The following GREB1L variants were observed in gnomAD, a reference collection of about 807,000 sequenced individuals.
The protein encoded by GREB1L is GREB1-like protein.
Under a neutral mutation model 200.8 loss-of-function variants are expected in GREB1L, and 17 were observed. The observed-to-expected ratio is 0.08, with a 90% CI of 0.06 to 0.13. GREB1L has a LOEUF of 0.13. GREB1L is among the 10% of genes least tolerant of loss of function. GREB1L has a pLI of 1.00. For missense variants in GREB1L, 1,657 were observed against 2,367.7 expected (o/e 0.70, Z 6.23); for synonymous variants, 789 against 893.0 (o/e 0.88, Z 2.08).
chr18:21,289,809 G>T (rs187152188), intron 1 of GREB1L, among the ~76,000 whole-genome samples: 141 of 152,206 alleles, frequency 9.3e-4, no homozygotes, highest in African/African-American at 3.3e-3. Context: ...GGTGATTTTT[G>T]ATGGTGATAT....
chr18:21,356,088 G>A (rs8099432), intron 1 of GREB1L, among the ~76,000 whole-genome samples: 39 of 145,272 alleles, frequency 2.7e-4, no homozygotes, highest in Non-Finnish European at 4.8e-4. Flanking sequence ...CCGGGTTCAC[G>A]CCATTCTCCT....
rs1203908509 is a variant in GREB1L at position 21,450,836 on chromosome 18, G to A, written c.1721-187G>A. On this transcript the variant is annotated intron_variant, in intron 12 of 32. Transcript: ENST00000424526. ...CTGTATTATAAACATTTCTGTTTCT[G>A]TCTAGAGTCAGAATTGATATTTCAA... The A allele has an allele frequency of 5.6e-6, 3 of 535,192 alleles. No homozygotes were observed. The African/African-American group carries it at 5.7e-5, about 10-fold the overall frequency. The allele number at this position is 535,192 out of a possible 1,614,324, so 33.2% of individuals were successfully genotyped here.
At chr18:21,269,103 G>A (rs553638660) in intron 1 of GREB1L, among the ~76,000 whole-genome samples, 33 of 152,256 alleles carry the variant, frequency 2.2e-4, no homozygotes, top group Non-Finnish European at 4.3e-4. Context: ...TTATTAATAC[G>A]TGTACTGTAA....
intron 1 of GREB1L, among the ~76,000 whole-genome samples, chr18:21,312,641 C>T (rs2038810054): frequency 6.6e-6 from 1 of 151,968 alleles, no homozygotes; most frequent in Non-Finnish European, 1.5e-5. Flanking sequence ...GCAACCTCCG[C>T]CTCCCGGGTT....
At chr18:21,407,687 A>G (rs187617249) in intron 7 of GREB1L, among the ~76,000 whole-genome samples, 2 of 152,220 alleles carry the variant, frequency 1.3e-5, no homozygotes, top group Non-Finnish European at 2.9e-5. Flanking sequence ...GGAAAAATTG[A>G]TAAAATGGAC....
At chr18:21,245,612 A>G (rs1422854933) in intron 1 of GREB1L, among the ~76,000 whole-genome samples, 1 of 152,238 alleles carries the variant, frequency 6.6e-6, no homozygotes, top group Non-Finnish European at 1.5e-5. Context: ...ATAATTTTAT[A>G]AAAGTTTATG....
intron 2 of GREB1L, among the ~76,000 whole-genome samples, chr18:21,374,104 C>T (rs1431815722): frequency 4.6e-5 from 7 of 152,122 alleles, no homozygotes; most frequent in African/African-American, 1.4e-4. Context: ...CAGGCTCAAA[C>T]AATTCTCATG....
In GREB1L at chr18:21,290,666, A is replaced by C. The variant is rs73422045; in HGVS notation, c.-120+48273A>C. Among the ~76,000 whole-genome samples the C allele has an allele frequency of 7.5e-3, 1,149 of 152,228 alleles. 19 individuals are homozygous for C. Among genetic ancestry groups the C allele is most frequent in the African/African-American group, 0.027 (1,107 of 41,548 alleles). Reference sequence around the variant, plus strand: ...GGCGAAGGCCCGTCTCTACTAAAAAATACAAAAGTTGACTGGGTGTGGTGG... The same window carrying C: ...GGCGAAGGCCCGTCTCTACTAAAAACTACAAAAGTTGACTGGGTGTGGTGG... On this transcript the variant is annotated intron_variant, in intron 1 of 32. Transcript: ENST00000424526.
intron 17 of GREB1L, among the ~76,000 whole-genome samples, chr18:21,482,541 G>A (rs1436500233): frequency 6.6e-6 from 1 of 152,084 alleles, no homozygotes; most frequent in Admixed American, 6.5e-5. Context: ...TTATAGGCGT[G>A]AGCCACCGCG....
chr18:21,525,439 T>C lies in GREB1L; in HGVS notation c.*2618T>C, dbSNP rs1025227147. On this transcript the variant is annotated 3_prime_UTR_variant, in exon 33 of 33. Transcript: ENST00000424526. ...CCTCCAAAAAGTTATTTTTTCTTTATAGTTTTCTGGCATGTTTGTTAAGAA... is the reference window on the plus strand; with the variant it reads ...CCTCCAAAAAGTTATTTTTTCTTTACAGTTTTCTGGCATGTTTGTTAAGAA... 1 of 152,140 alleles carries C rather than the reference T, an allele frequency of 6.6e-6. No homozygotes were observed. The highest frequency in any genetic ancestry group is 1.5e-5 in the Non-Finnish European group (1 of 67,994). 9.4% of individuals were successfully genotyped at this position (152,140 alleles called of 1,614,324 possible). A position where few individuals can be genotyped will look rare whatever the true frequency, so the allele number is the denominator to read the frequency against.
intron 1 of GREB1L, among the ~76,000 whole-genome samples, chr18:21,267,221 A>G (rs958994792): frequency 1.3e-4 from 14 of 106,312 alleles, no homozygotes; most frequent in African/African-American, 5.3e-4. Context: ...GAGACGGAGC[A>G]CCCAGGCTGG....
chr18:21,440,520 G>C lies in GREB1L; in HGVS notation c.1069+132G>C, dbSNP rs193186027. ...TTGATAGTAGCTAATGTTTTGTCCC[G>C]ATCACATTTGCCTTCCCTACATGCA... On this transcript the variant is annotated intron_variant, in intron 9 of 32. Transcript: ENST00000424526. 5 of 887,338 alleles carry C rather than the reference G, an allele frequency of 5.6e-6. No homozygotes were observed. In the East Asian group the frequency reaches 1.3e-4, roughly 24 times the overall value. The allele number at this position is 887,338 out of a possible 1,614,324, so 55.0% of individuals were successfully genotyped here.
In GREB1L at chr18:21,441,395, TCCAGAGCC is replaced by T; in HGVS notation, c.1070-2_1075del. 6.6e-7 allele frequency: 1 copy of T among 1,516,954 alleles called. No homozygotes were observed. Among genetic ancestry groups the T allele is most frequent in the Admixed American group, 2.5e-5 (1 of 40,556 alleles). The allele number at this position is 1,516,954 out of a possible 1,614,324, so 94.0% of individuals were successfully genotyped here. ...ATCTTTCTTGTCAAACTTTTTTTTT[TCCAGAGCC>T]CCTTTTATCTGCCCCAGTTCCACAG... On this transcript the variant is annotated splice_acceptor_variant and splice_polypyrimidine_tract_variant and coding_sequence_variant and intron_variant, in exon 10 of 33. Coordinates refer to ENST00000424526, the MANE Select transcript of GREB1L (RefSeq NM_001142966.3). LOFTEE classifies it high-confidence loss of function.
chr18:21,309,082 G>A (rs1481313988), intron 1 of GREB1L, among the ~76,000 whole-genome samples: 1 of 152,174 alleles, frequency 6.6e-6, no homozygotes, highest in Non-Finnish European at 1.5e-5. Flanking sequence ...CTTTATGTTG[G>A]CATTGGGTAA....
At chr18:21,322,680 T>C (rs1276495525) in intron 1 of GREB1L, among the ~76,000 whole-genome samples, 4 of 152,086 alleles carry the variant, frequency 2.6e-5, no homozygotes, top group Non-Finnish European at 4.4e-5. Flanking sequence ...TCTAAAGCTA[T>C]GATAAATATA....
chr18:21,501,984 G>A (rs777335587), intron 23 of GREB1L, among the ~76,000 whole-genome samples: 11 of 152,298 alleles, frequency 7.2e-5, no homozygotes, highest in South Asian at 2.1e-4. Flanking sequence ...GCACTGGCAC[G>A]GTGCAGTAGC....
Position 21,369,232 on chromosome 18 carries a change from G to C in GREB1L, c.-10+3096G>C, listed in dbSNP as rs536220776. Among the ~76,000 whole-genome samples the C allele has an allele frequency of 5.3e-5, 8 of 152,310 alleles. No homozygotes were observed. In the South Asian group the frequency reaches 1.4e-3, roughly 28 times the overall value. ...GGAAACCATAGAGACTCTGAACTCT[G>C]AATGTGACAGCGTTGAAAGATGTGG... is the stretch of plus-strand genomic sequence containing the variant. On this transcript the variant is annotated intron_variant, in intron 2 of 32. Coordinates refer to ENST00000424526, the MANE Select transcript of GREB1L (RefSeq NM_001142966.3).
chr18:21,368,203 T>C (rs528020255), intron 2 of GREB1L, among the ~76,000 whole-genome samples: 16 of 152,218 alleles, frequency 1.1e-4, no homozygotes, highest in Non-Finnish European at 2.2e-4. Context: ...AACATACACA[T>C]AAATGTAAGG....
intron 1 of GREB1L, among the ~76,000 whole-genome samples, chr18:21,264,388 T>C (rs1346926457): frequency 6.6e-6 from 1 of 152,190 alleles, no homozygotes; most frequent in Non-Finnish European, 1.5e-5. Flanking sequence ...AATCTACTCC[T>C]TACTCTATTC....
Sources: allele counts gnomAD v4.1 joint callset (sites outside exome capture counted in the v4.1 genomes callset), GRCh38; gene constraint gnomAD v4.1.1; transcripts MANE v1.5; gene names NCBI Gene and HGNC (gene_info 2026-07-23, HGNC 2026-07-21).